MACROD2: variants seen among roughly 807,000 people sequenced by gnomAD.
MACROD2 encodes ADP-ribose glycohydrolase MACROD2.
In MACROD2, 36 loss-of-function variants were observed where a neutral mutation model predicts 70.4. The observed-to-expected ratio is 0.51, with a 90% confidence interval of 0.39 to 0.68. The LOEUF (loss-of-function observed/expected upper bound fraction) is 0.68, where lower values mean the gene tolerates loss of function less well. Ranked by LOEUF, MACROD2 falls within the 30% of genes least tolerant of loss-of-function variation. The probability of loss-of-function intolerance (pLI) is 0.00; values close to 1 mark genes in which losing one functional copy is unlikely to be tolerated. For synonymous variants in MACROD2, 172 were observed against 178.8 expected (o/e 0.96, Z 0.30); for missense variants, 496 against 538.4 (o/e 0.92, Z 0.78).
At chr20:14,684,458 T>A (rs1003004846) in intron 4 of MACROD2, among the ~76,000 whole-genome samples, 1 of 152,160 alleles carries the variant, frequency 6.6e-6, no homozygotes, top group African/African-American at 2.4e-5. Context: ...GAGACAATTG[T>A]GAGCATTTCT....
rs79067669 is a variant in MACROD2 at position 14,962,362 on chromosome 20, A to T, written c.419-267578A>T. Reference sequence around the variant, plus strand: ...CACCCAGGCTGGAGTACATTGGCTCAATCATAGCTCACTGCATCCTTGACC... The same window carrying T: ...CACCCAGGCTGGAGTACATTGGCTCTATCATAGCTCACTGCATCCTTGACC... On this transcript the variant is annotated intron_variant, in intron 5 of 17. Coordinates refer to ENST00000684519, the MANE Select transcript of MACROD2 (RefSeq NM_001351661.2). 5.9e-4 allele frequency among the ~76,000 whole-genome samples: 89 copies of T among 151,958 alleles called. No homozygotes were observed. The East Asian group carries it at 0.017, about 29-fold the overall frequency.
intron 3 of MACROD2, among the ~76,000 whole-genome samples, chr20:14,399,772 T>C (rs1905245686): frequency 6.6e-6 from 1 of 152,208 alleles, no homozygotes; most frequent in African/African-American, 2.4e-5. Context: ...TTCTTTTCCA[T>C]CCTCTTCTCT....
intron 3 of MACROD2, among the ~76,000 whole-genome samples, chr20:14,349,561 T>TTATA (rs10629434): frequency 3.4e-4 from 48 of 141,510 alleles, no homozygotes; most frequent in Admixed American, 6.0e-4. Flanking sequence ...TATATTAACA[T>TTATA]TATATATATA....
intron 5 of MACROD2, among the ~76,000 whole-genome samples, chr20:14,703,948 G>A (rs112595088): frequency 0.032 from 4,800 of 151,688 alleles, 103 homozygotes; most frequent in Non-Finnish European, 0.046. Flanking sequence ...AACTGGTCTC[G>A]GACTCCTGAC....
chr20:14,548,972 G>C (rs1237234830), intron 4 of MACROD2, among the ~76,000 whole-genome samples: 1 of 152,132 alleles, frequency 6.6e-6, no homozygotes, highest in Non-Finnish European at 1.5e-5. Flanking sequence ...TGGAGGACAT[G>C]AATTTCCCAG....
intron 8 of MACROD2, among the ~76,000 whole-genome samples, chr20:15,726,201 G>A (rs1050774681): frequency 2.6e-5 from 4 of 152,016 alleles, no homozygotes; most frequent in Admixed American, 1.3e-4. Flanking sequence ...CTGGTTCTAC[G>A]TTAGTTCTCT....
chr20:14,127,548 G>A (rs577478167), intron 3 of MACROD2: 43 of 483,202 alleles, frequency 8.9e-5, no homozygotes, highest in South Asian at 6.2e-4. Flanking sequence ...ATTTTTGCAG[G>A]CAATTTTGAG....
chr20:15,637,939 C>T (rs574088665), intron 8 of MACROD2, among the ~76,000 whole-genome samples: 1 of 152,300 alleles, frequency 6.6e-6, no homozygotes, highest in African/African-American at 2.4e-5. Flanking sequence ...TTGGTTGTTT[C>T]TCTGTTGGGT....
intron 3 of MACROD2, among the ~76,000 whole-genome samples, chr20:14,101,251 A>G (rs1470366239): frequency 6.6e-6 from 1 of 151,938 alleles, no homozygotes; most frequent in East Asian, 1.9e-4. Context: ...TCCCGATTTT[A>G]TTGGGAATGA....
chr20:15,738,084 A>G (rs2051051029), intron 8 of MACROD2, among the ~76,000 whole-genome samples: 1 of 152,198 alleles, frequency 6.6e-6, no homozygotes, highest in African/African-American at 2.4e-5. Context: ...AGAAGTTAGA[A>G]TGGGTACAAA....
intron 7 of MACROD2, among the ~76,000 whole-genome samples, chr20:15,476,816 C>T (rs2047028376): frequency 6.6e-6 from 1 of 152,134 alleles, no homozygotes; most frequent in Non-Finnish European, 1.5e-5. Flanking sequence ...GGTCATATGT[C>T]TCTACTTGGG....
chr20:15,687,741 A>G (rs988227315), intron 8 of MACROD2, among the ~76,000 whole-genome samples: 1 of 152,124 alleles, frequency 6.6e-6, no homozygotes, highest in Non-Finnish European at 1.5e-5. Context: ...CTCACTGGGA[A>G]TTTCTAATGC....
rs182545710 is a variant in MACROD2, at chr20:15,613,262, T to C, written c.645+113415T>C. Among the ~76,000 whole-genome samples the C allele has an allele frequency of 3.2e-4, 48 of 152,326 alleles. No homozygotes were observed. The East Asian group carries it at 8.9e-3, about 28-fold the overall frequency. On this transcript the variant is annotated intron_variant, in intron 8 of 17. Coordinates refer to ENST00000684519, the MANE Select transcript of MACROD2 (RefSeq NM_001351661.2). Reference sequence around the variant, plus strand: ...AGATCTTTCCAGATTTGCTAAAATTTCCAACGTCTTTGTCTACTTATTATG... The same window carrying C: ...AGATCTTTCCAGATTTGCTAAAATTCCCAACGTCTTTGTCTACTTATTATG...
chr20:15,409,820 G>T (rs938716997), intron 6 of MACROD2, among the ~76,000 whole-genome samples: 4 of 152,154 alleles, frequency 2.6e-5, no homozygotes, highest in Non-Finnish European at 5.9e-5. Context: ...AGTCACAGGG[G>T]CTTGCAATGA....
chr20:15,703,885 T>A (rs1239520685), intron 8 of MACROD2, among the ~76,000 whole-genome samples: 1 of 152,056 alleles, frequency 6.6e-6, no homozygotes, highest in Non-Finnish European at 1.5e-5. Context: ...AGCCACGATG[T>A]CTTATTTTGT....
chr20:15,196,837 C>A (rs2076609973), intron 5 of MACROD2: 1 of 984,844 alleles, frequency 1.0e-6, no homozygotes, highest in African/African-American at 1.7e-5. Context: ...GTGCCTGAGT[C>A]TTATCCATAC....
intron 5 of MACROD2, among the ~76,000 whole-genome samples, chr20:15,221,202 G>A (rs1298469451): frequency 6.6e-6 from 1 of 152,158 alleles, no homozygotes; most frequent in Non-Finnish European, 1.5e-5. Flanking sequence ...TGAAAAGGCT[G>A]CAAGTTGCTG....
intron 4 of MACROD2, among the ~76,000 whole-genome samples, chr20:14,629,311 A>G (rs2038909): frequency 0.24 from 36,393 of 152,202 alleles, 6,382 homozygotes; most frequent in African/African-American, 0.47. Context: ...CTACTTCTCC[A>G]TTAAATAAAT....
chr20:14,661,347 T>C (rs1986218091), intron 4 of MACROD2, among the ~76,000 whole-genome samples: 1 of 152,206 alleles, frequency 6.6e-6, no homozygotes, highest in Admixed American at 6.5e-5. Flanking sequence ...CTTATATGTC[T>C]CCTTTTCAGA....
Sources: allele counts gnomAD v4.1 joint callset (sites outside exome capture counted in the v4.1 genomes callset), GRCh38; gene constraint gnomAD v4.1.1; transcripts MANE v1.5; gene names NCBI Gene and HGNC (gene_info 2026-07-23, HGNC 2026-07-21).